Variants in SORBS2 observed in about 807,000 individuals in gnomAD.
The protein encoded by SORBS2 is sorbin and SH3 domain containing 2.
In SORBS2, 46 loss-of-function variants were observed where a neutral mutation model predicts 97.7. The ratio of observed to expected loss-of-function variants is 0.47; its 90% CI spans 0.37 to 0.60. The LOEUF (loss-of-function observed/expected upper bound fraction) is 0.60, where lower values mean the gene tolerates loss of function less well. Among genes scored for constraint, SORBS2 ranks in the 20% least tolerant of loss-of-function variants. The probability of loss-of-function intolerance (pLI) is 0.00; values close to 1 mark genes in which losing one functional copy is unlikely to be tolerated. For missense variants in SORBS2, 1,316 were observed against 1,282.3 expected, an observed-to-expected ratio of 1.03 and a Z score of -0.40; for synonymous variants, 476 against 473.4, an observed-to-expected ratio of 1.01 and a Z score of -0.07.
chr4:185,808,312 C>T (rs12649231), intron 1 of SORBS2, among the ~76,000 whole-genome samples: 26,739 of 152,074 alleles, frequency 0.18, 2,484 homozygotes, highest in East Asian at 0.31. Context: ...TAAACTTCCT[C>T]ATCAATTCTA....
chr4:185,934,390 A>T (rs1192099102), intron 1 of SORBS2, among the ~76,000 whole-genome samples: 1 of 152,230 alleles, frequency 6.6e-6, no homozygotes, highest in African/African-American at 2.4e-5. Flanking sequence ...CTTCTAGAAT[A>T]AAGGCATCCA....
chr4:185,612,127 G>A, intron 11 of SORBS2, 147 bp from the exon 24 acceptor site: 1 of 615,740 alleles, frequency 1.6e-6, no homozygotes, highest in Non-Finnish European at 2.9e-6. Context: ...GGGCAAGTAA[G>A]GTACTAGTGC....
At chr4:185,627,006 C>G (rs753704530) in exon 6 of SORBS2, 3 of 1,614,084 alleles carry the variant, frequency 1.9e-6, no homozygotes, top group Non-Finnish European at 2.5e-6. Context: ...AAGTCACTGG[C>G]CATGCTTGCA....
chr4:185,794,279 G>A (rs1018757761), intron 1 of SORBS2, among the ~76,000 whole-genome samples: 1 of 152,138 alleles, frequency 6.6e-6, no homozygotes, highest in Non-Finnish European at 1.5e-5. Context: ...GAGGAGGAGG[G>A]AGGAAATCCA....
intron 5 of SORBS2, 147 bp from the exon 18 acceptor site, chr4:185,627,166 G>A (rs2096829060): frequency 4.7e-6 from 3 of 638,078 alleles, no homozygotes; most frequent in South Asian, 3.7e-5. Context: ...ATCCCTTGAT[G>A]TTCAACATGA....
chr4:185,814,708 G>A (rs923628604), intron 1 of SORBS2, among the ~76,000 whole-genome samples: 4 of 152,308 alleles, frequency 2.6e-5, no homozygotes, highest in Admixed American at 6.5e-5. Context: ...GCACTGAACC[G>A]GAACTGGGAA....
At chr4:185,788,830 A>G (rs2099067927) in intron 1 of SORBS2, among the ~76,000 whole-genome samples, 1 of 152,198 alleles carries the variant, frequency 6.6e-6, no homozygotes, top group East Asian at 1.9e-4. Flanking sequence ...CCATTCTGCA[A>G]CTTGAACTCT....
At chr4:185,782,849 C>T (rs1031841785) in intron 1 of SORBS2, among the ~76,000 whole-genome samples, 1 of 152,220 alleles carries the variant, frequency 6.6e-6, no homozygotes, top group African/African-American at 2.4e-5. Flanking sequence ...GCTTGGTCTT[C>T]ACTGCATTTA....
rs70962586 is a variant in SORBS2, at chr4:185,695,505, GT to G, written c.-197-16684del. Among the ~76,000 whole-genome samples, 33 of 150,216 alleles carry G rather than the reference GT, an allele frequency of 2.2e-4. No homozygotes were observed. In the East Asian group the frequency reaches 2.5e-3, roughly 12 times the overall value. ...AGTAGGAAAACATTGCAGGATGTTA[GT>G]TTTTTTTTTTAAAGAGATGTATTTT... On this transcript the variant is annotated intron_variant, in intron 2 of 20. Coordinates refer to the SORBS2 transcript ENST00000284776.
intron 2 of SORBS2, among the ~76,000 whole-genome samples, chr4:185,749,044 C>T (rs879324008): frequency 8.5e-5 from 13 of 152,190 alleles, no homozygotes; most frequent in Admixed American, 2.6e-4. Flanking sequence ...CGGCTTGCTG[C>T]TGTTTTGGCT....
At chr4:185,639,304 GC>G (rs1384593567) in intron 4 of SORBS2, among the ~76,000 whole-genome samples, 2 of 152,220 alleles carry the variant, frequency 1.3e-5, no homozygotes, top group African/African-American at 4.8e-5. Context: ...ACCGTGGATG[GC>G]GGGGAAGGGG....
At chr4:185,653,759 T>C (rs1175468022) in intron 1 of SORBS2, among the ~76,000 whole-genome samples, 1 of 152,190 alleles carries the variant, frequency 6.6e-6, no homozygotes, top group African/African-American at 2.4e-5. Flanking sequence ...CCTGTAAAAG[T>C]AGACACATGC....
chr4:185,947,908 G>A (rs188173584), intron 1 of SORBS2, among the ~76,000 whole-genome samples: 32 of 149,472 alleles, frequency 2.1e-4, no homozygotes, highest in Admixed American at 1.3e-3. Flanking sequence ...ACTACGCCCC[G>A]CCCTCTTGAG....
At chr4:185,770,468 T>G (rs1422698192) in intron 2 of SORBS2, among the ~76,000 whole-genome samples, 1 of 152,228 alleles carries the variant, frequency 6.6e-6, no homozygotes, top group Non-Finnish European at 1.5e-5. Context: ...TGGAACATTT[T>G]GGATTTCGGA....
chr4:185,644,651 G>T (rs1478558842), intron 4 of SORBS2, among the ~76,000 whole-genome samples: 1 of 152,164 alleles, frequency 6.6e-6, no homozygotes, highest in African/African-American at 2.4e-5. Flanking sequence ...GAAATGCCAT[G>T]TGTCTGCTTA....
At chr4:185,883,110 A>G (rs889040338) in intron 1 of SORBS2, among the ~76,000 whole-genome samples, 3 of 152,222 alleles carry the variant, frequency 2.0e-5, no homozygotes, top group Admixed American at 6.5e-5. Context: ...CTAAGAGAAT[A>G]GAAAGGCAAG....
intron 1 of SORBS2, among the ~76,000 whole-genome samples, chr4:185,776,304 C>G (rs1219538110): frequency 6.6e-6 from 1 of 152,064 alleles, no homozygotes; most frequent in African/African-American, 2.4e-5. Context: ...TGAGACTATT[C>G]ACATCATGGC....
chr4:185,597,750 G>T (rs1196374005), intron 12 of SORBS2, among the ~76,000 whole-genome samples: 1 of 152,172 alleles, frequency 6.6e-6, no homozygotes, highest in Non-Finnish European at 1.5e-5. Flanking sequence ...CTTAAGCAGA[G>T]ATTTGTAATG....
intron 1 of SORBS2, among the ~76,000 whole-genome samples, chr4:185,899,398 C>T (rs181974931): frequency 1.3e-5 from 2 of 152,058 alleles, no homozygotes; most frequent in African/African-American, 2.4e-5. Flanking sequence ...CTGTCGTTCT[C>T]GAAAATCTTT....
Sources: allele counts gnomAD v4.1 joint callset (sites outside exome capture counted in the v4.1 genomes callset), GRCh38; gene constraint gnomAD v4.1.1; transcripts MANE v1.5; gene names NCBI Gene and HGNC (gene_info 2026-07-23, HGNC 2026-07-21).